The following KCTD1 variants were observed in gnomAD, a reference collection of about 807,000 sequenced individuals.
KCTD1 encodes the protein BTB/POZ domain-containing protein KCTD1.
Under a neutral mutation model 66.0 loss-of-function variants are expected in KCTD1, and 24 were observed. The ratio of observed to expected loss-of-function variants is 0.36; its 90% CI spans 0.26 to 0.51. The LOEUF (loss-of-function observed/expected upper bound fraction) is 0.51, where lower values mean the gene tolerates loss of function less well. KCTD1 is among the 20% of genes least tolerant of loss of function. The pLI, the probability that KCTD1 is intolerant of heterozygous loss-of-function variation, is 0.95. For synonymous variants in KCTD1, 511 were observed against 517.2 expected, an observed-to-expected ratio of 0.99 and a Z score of 0.16; for missense variants, 943 against 1,205.2, an observed-to-expected ratio of 0.78 and a Z score of 3.22.
At chr18:26,623,912 C>T (rs1049796511) in intron 1 of KCTD1, among the ~76,000 whole-genome samples, 1 of 152,170 alleles carries the variant, frequency 6.6e-6, no homozygotes, top group African/African-American at 2.4e-5. Context: ...TTCCTAGAGA[C>T]ATGGTGAATG....
intron 1 of KCTD1, among the ~76,000 whole-genome samples, chr18:26,647,551 A>AAAAAAAAAAAAAAAAAAAAAC (rs1987953804): frequency 7.6e-6 from 1 of 131,312 alleles, no homozygotes; most frequent in East Asian, 2.2e-4. Context: ...AAAAAAAAAA[A>AAAAAAAAAAAAAAAAAAAAAC]AAAGGGCTGA....
At chr18:26,569,359 G>C (rs1382536615) in intron 1 of KCTD1, among the ~76,000 whole-genome samples, 1 of 152,058 alleles carries the variant, frequency 6.6e-6, no homozygotes, top group Non-Finnish European at 1.5e-5. Flanking sequence ...GTACTACATG[G>C]GGCTCTGAGA....
chr18:26,624,671 T>G (rs1044721655), intron 1 of KCTD1, among the ~76,000 whole-genome samples: 1 of 152,186 alleles, frequency 6.6e-6, no homozygotes, highest in Non-Finnish European at 1.5e-5. Flanking sequence ...CATGGAGAAT[T>G]TCCACTAGGG....
At chr18:26,517,467 C>A (rs1983708635) in intron 1 of KCTD1, among the ~76,000 whole-genome samples, 2 of 151,984 alleles carry the variant, frequency 1.3e-5, no homozygotes, top group South Asian at 2.1e-4. Flanking sequence ...ACCAGCCTGA[C>A]CAACATGGAG....
At chr18:26,645,832 T>C (rs999420051) in intron 1 of KCTD1, among the ~76,000 whole-genome samples, 2 of 152,200 alleles carry the variant, frequency 1.3e-5, no homozygotes, top group Admixed American at 6.5e-5. Context: ...ATGCAAATTC[T>C]CAGGCCTCAC....
chr18:26,588,742 A>G (rs1331284572), intron 1 of KCTD1, among the ~76,000 whole-genome samples: 2 of 152,144 alleles, frequency 1.3e-5, no homozygotes, highest in Admixed American at 1.3e-4. Context: ...ATGAGATAGG[A>G]GACAGTTTGC....
chr18:26,623,186 A>T (rs1028137140), intron 1 of KCTD1, among the ~76,000 whole-genome samples: 2 of 151,958 alleles, frequency 1.3e-5, no homozygotes, highest in Non-Finnish European at 2.9e-5. Flanking sequence ...ATTTCTTCTC[A>T]CTAAGTCTGC....
intron 2 of KCTD1, among the ~76,000 whole-genome samples, chr18:26,489,729 C>T (rs1367249029): frequency 2.0e-5 from 3 of 152,146 alleles, no homozygotes; most frequent in African/African-American, 2.4e-5. Flanking sequence ...ATACGCATAG[C>T]ATAGGTATCC....
At chr18:26,651,941 GA>G (rs757788678) in intron 1 of KCTD1, among the ~76,000 whole-genome samples, 9 of 152,168 alleles carry the variant, frequency 5.9e-5, no homozygotes, top group Non-Finnish European at 1.3e-4. Flanking sequence ...GATGGGTGCA[GA>G]ATACTACTTG....
At chr18:26,583,239 C>A (rs1477041251) in intron 1 of KCTD1, among the ~76,000 whole-genome samples, 1 of 151,510 alleles carries the variant, frequency 6.6e-6, no homozygotes, top group East Asian at 1.9e-4. Flanking sequence ...ACTAAAAATA[C>A]AAAAATTAGC....
At chr18:26,467,525 A>T (rs967549900) in intron 3 of KCTD1, among the ~76,000 whole-genome samples, 10 of 139,966 alleles carry the variant, frequency 7.1e-5, no homozygotes, top group African/African-American at 1.3e-4. Context: ...CTCAAAAAAA[A>T]TTTTTTAAGG....
intron 1 of KCTD1, among the ~76,000 whole-genome samples, chr18:26,583,815 A>C (rs945069506): frequency 6.6e-6 from 1 of 152,212 alleles, no homozygotes; most frequent in Non-Finnish European, 1.5e-5. Flanking sequence ...TTCTTTCTCC[A>C]TCTGTCAAAA....
chr18:26,657,000 A>G (rs34134107), intron 1 of KCTD1, among the ~76,000 whole-genome samples: 76,247 of 147,272 alleles, frequency 0.52, 20,388 homozygotes, highest in Non-Finnish European at 0.6. Flanking sequence ...TCCCAGAGCC[A>G]CGGCGGCTCC....
At chr18:26,617,645 T>A (rs1200115321) in intron 1 of KCTD1, among the ~76,000 whole-genome samples, 1 of 152,206 alleles carries the variant, frequency 6.6e-6, no homozygotes, top group Non-Finnish European at 1.5e-5. Flanking sequence ...CACAGCCTCC[T>A]ATGTGGTAGA....
rs138966931 is a variant in KCTD1, at chr18:26,547,871, G to C, written c.666C>G (p.Leu222=). Reference sequence around the variant, plus strand: ...TGCTGATGAGCGACGACTTGCTGTAGAGCTGGCCGCTTTTGGAGCGGGCCT... The same window carrying C: ...TGCTGATGAGCGACGACTTGCTGTACAGCTGGCCGCTTTTGGAGCGGGCCT... ...YAEARSKSGQ[L]YSKSSLISIR... The change falls in exon 1 of 5, where the codon CTC becomes CTG. Residue 222 remains leucine (L), a synonymous_variant. Coordinates refer to ENST00000580059, the MANE Select transcript of KCTD1 (RefSeq NM_001142730.3). The C allele has an allele frequency of 4.2e-4, 651 of 1,542,756 alleles. No homozygotes were observed. The highest frequency in any genetic ancestry group is 1.4e-3 in the Admixed American group (69 of 51,006).
chr18:26,649,759 C>T (rs1987995432), intron 1 of KCTD1, among the ~76,000 whole-genome samples: 3 of 152,278 alleles, frequency 2.0e-5, no homozygotes, highest in South Asian at 2.1e-4. Flanking sequence ...CCACCTGCCT[C>T]GGCCTCCCAA....
At chr18:26,633,121 G>T (rs1258359488), upstream of KCTD1, among the ~76,000 whole-genome samples, 1 of 152,158 alleles carries the variant, frequency 6.6e-6, no homozygotes, top group Non-Finnish European at 1.5e-5. Flanking sequence ...GTATTGGTAT[G>T]AGAATGAGAA....
rs915203491 is a variant in KCTD1 at position 26,468,710 on chromosome 18, T to C, written c.2133+7805A>G. Among the ~76,000 whole-genome samples, 3 of 152,018 alleles carry C rather than the reference T, an allele frequency of 2.0e-5. No homozygotes were observed. Among genetic ancestry groups the C allele is most frequent in the African/African-American group, 7.2e-5 (3 of 41,398 alleles). The stretch of plus-strand genomic sequence containing the variant: ...AGTGTGCCTGTGGCGTGGTGGCGTG[T>C]GGTGGCGTGTGCCTGTAGTCCAGCT... On this transcript the variant is annotated intron_variant, in intron 3 of 4. Coordinates refer to ENST00000580059, the MANE Select transcript of KCTD1 (RefSeq NM_001142730.3). The surrounding 1 kb of genome is among the most constrained non-coding windows in gnomAD (Gnocchi z 4.8).
intron 1 of KCTD1, 72 bp from the exon 2 acceptor site, chr18:26,501,322 A>G: frequency 7.6e-7 from 1 of 1,315,410 alleles, no homozygotes; most frequent in Non-Finnish European, 1.1e-6. Context: ...ATATAGCATA[A>G]AGAATAAACG....
Sources: gnomAD v4.1 joint callset for allele counts (sites outside exome capture counted in the v4.1 genomes callset) on GRCh38, gnomAD v4.1.1 for gene constraint, Gnocchi (gnomAD v3.1) non-coding constraint, MANE v1.5 for transcripts, NCBI Gene and HGNC (gene_info 2026-07-23, HGNC 2026-07-21) for gene names.